Variants in GALNS observed in about 807,000 individuals in gnomAD.
GALNS encodes N-acetylgalactosamine-6-sulfatase.
Under a neutral mutation model 65.9 loss-of-function variants are expected in GALNS, and 65 were observed. That is an observed-to-expected ratio of 0.99 (90% CI 0.81 to 1.21). GALNS has a LOEUF of 1.21. GALNS is among the 50% of genes most tolerant of loss of function. The probability of loss-of-function intolerance (pLI) is 0.00; values close to 1 mark genes in which losing one functional copy is unlikely to be tolerated. For synonymous variants in GALNS, 346 were observed against 288.9 expected, an observed-to-expected ratio of 1.20 and a Z score of -2.00; for missense variants, 776 against 700.7, an observed-to-expected ratio of 1.11 and a Z score of -1.21.
chr16:88,829,784 G>C (rs141583310), intron 9 of GALNS, among the ~76,000 whole-genome samples: 5,544 of 152,282 alleles, frequency 0.036, 161 homozygotes, highest in Non-Finnish European at 0.046. Flanking sequence ...GGATCTGGCA[G>C]AACAGCAGCC....
At chr16:88,825,819 G>C (rs1468557720) in intron 10 of GALNS, among the ~76,000 whole-genome samples, 1 of 152,122 alleles carries the variant, frequency 6.6e-6, no homozygotes, top group African/African-American at 2.4e-5. Flanking sequence ...CTTGTGCCAG[G>C]TCTCGAGAGG....
intron 1 of GALNS, among the ~76,000 whole-genome samples, chr16:88,851,624 ACTGCAC>A (rs1160176811): frequency 6.6e-6 from 1 of 152,196 alleles, no homozygotes; most frequent in Non-Finnish European, 1.5e-5. Flanking sequence ...GCCGTGACAG[ACTGCAC>A]CTGGAAAATC....
At chr16:88,845,346 G>A (rs548477913) in intron 1 of GALNS, 1 of 151,590 alleles carries the variant, frequency 6.6e-6, no homozygotes, top group East Asian at 2.0e-4. Context: ...GGGAGACTCC[G>A]TCCCAAAACC....
At chr16:88,856,523 C>T (rs983197990) in intron 1 of GALNS, 9 of 697,498 alleles carry the variant, frequency 1.3e-5, no homozygotes, top group Non-Finnish European at 2.3e-5. Context: ...CCGCCGAGAC[C>T]CCACGCCTGG....
Position 88,843,354 on chromosome 16 carries a change from C to T in GALNS, c.121-525G>A, listed in dbSNP as rs1413576944. 3.7e-5 allele frequency: 20 copies of T among 545,330 alleles called. No homozygotes were observed. The Admixed American group carries it at 6.0e-4, about 16-fold the overall frequency. 33.8% of individuals were successfully genotyped at this position (545,330 alleles called of 1,614,324 possible). A position where few individuals can be genotyped will look rare whatever the true frequency, so the allele number is the denominator to read the frequency against. On this transcript the variant is annotated intron_variant, in intron 1 of 13. Transcript: ENST00000268695. ...TAGCTGTACACCCAAGAGACTGAAA[C>T]TTACGTCCACACGCAGGCCTGCATA...
chr16:88,815,281 G>A, intron 13 of GALNS: 1 of 985,494 alleles, frequency 1.0e-6, no homozygotes, highest in Non-Finnish European at 1.2e-6. Flanking sequence ...GGGCCTCCGA[G>A]GGCCAGCAGT....
At position 88,835,340 on chromosome 16, in the gene GALNS, G is replaced by C; in HGVS notation, c.771C>G (p.Ala257=). 6.2e-7 allele frequency: 1 copy of C among 1,613,672 alleles called. No individual in the cohort carries two copies. The highest frequency in any genetic ancestry group is 8.5e-7 in the Non-Finnish European group (1 of 1,179,864). ...CAATGCTGTCATCAATCTCCCGGAC[G>C]GCGTCTCCATACCTGCAGGATGGTG... The part of the protein sequence containing the change: ...GTSQRGRYGD[A]VREIDDSIGK... Residue 257 remains alanine (A), a synonymous_variant, in exon 8 of 14, where the codon GCC becomes GCG. Transcript: ENST00000268695.
chr16:88,836,098 T>C, intron 6 of GALNS, 103 bp downstream of exon 6: 2 of 1,161,532 alleles, frequency 1.7e-6, no homozygotes, highest in East Asian at 2.6e-5. Flanking sequence ...TCCCACGGGG[T>C]GAGGTTGATG....
intron 1 of GALNS, among the ~76,000 whole-genome samples, chr16:88,846,580 G>A (rs1161045749): frequency 2.2e-5 from 3 of 137,052 alleles, no homozygotes; most frequent in Non-Finnish European, 4.5e-5. Context: ...GCACAATCTC[G>A]ACTCACTGCA....
At chr16:88,816,562 G>T (rs1456014775) in intron 13 of GALNS, 1 of 975,262 alleles carries the variant, frequency 1.0e-6, no homozygotes, top group Non-Finnish European at 1.2e-6. Context: ...GCCCTGCCCA[G>T]TCCTAAATAA....
intron 4 of GALNS, chr16:88,840,611 G>A (rs1966919730): frequency 2.7e-6 from 1 of 364,154 alleles, no homozygotes; most frequent in Non-Finnish European, 5.3e-6. Flanking sequence ...GGCCCCTAGG[G>A]TGGACAGGCA....
At chr16:88,846,258 A>T in intron 1 of GALNS, among the ~76,000 whole-genome samples, 1 of 152,216 alleles carries the variant, frequency 6.6e-6, no homozygotes, top group East Asian at 1.9e-4. Context: ...TGATTCAGTA[A>T]GATGAGGTCA....
intron 12 of GALNS, among the ~76,000 whole-genome samples, chr16:88,822,126 C>T (rs1910291069): frequency 6.6e-6 from 1 of 152,142 alleles, no homozygotes; most frequent in Non-Finnish European, 1.5e-5. Context: ...AAGGGGAGGG[C>T]TTCCCTGAAA....
intron 4 of GALNS, chr16:88,837,969 G>T: frequency 1.7e-6 from 1 of 589,298 alleles, no homozygotes; most frequent in Non-Finnish European, 3.0e-6. Context: ...CTACCCTGCA[G>T]AGCGTCTGGG....
intron 3 of GALNS, among the ~76,000 whole-genome samples, chr16:88,841,547 T>C (rs1567536805): frequency 6.6e-6 from 1 of 151,538 alleles, no homozygotes; most frequent in African/African-American, 2.4e-5. Context: ...TCCAAACCCC[T>C]CAAGCACAGC....
chr16:88,817,047 C>T (rs1909703789), intron 13 of GALNS: 1 of 985,330 alleles, frequency 1.0e-6, no homozygotes, highest in African/African-American at 1.7e-5. Context: ...AGAGCGAGGG[C>T]CGCACGTGTC....
chr16:88,826,798 G>T lies in GALNS; in HGVS notation c.1043C>A (p.Thr348Asn), dbSNP rs368305568. 1 of 1,598,230 alleles carries T rather than the reference G, an allele frequency of 6.3e-7. No individual in the cohort carries two copies. Among genetic ancestry groups the T allele is most frequent in the Non-Finnish European group, 8.5e-7 (1 of 1,173,080 alleles). Reference sequence around the variant, plus strand: ...CGTCAGGCCCGCAAGGGCCAGGCTGGTGGTGAAGAGGTCCATGATGCTGCC... The same window carrying T: ...CGTCAGGCCCGCAAGGGCCAGGCTGTTGGTGAAGAGGTCCATGATGCTGCC... ...QLGSIMDLFT[T>N]SLALAGLTPP... The change falls in exon 10 of 14, where the codon ACC (threonine) becomes AAC (asparagine). Residue 348 changes from threonine (T) to asparagine (N), a missense_variant. Coordinates refer to ENST00000268695, the MANE Select transcript of GALNS (RefSeq NM_000512.5).
chr16:88,823,147 G>C (rs1412101834), intron 11 of GALNS, among the ~76,000 whole-genome samples: 1 of 152,146 alleles, frequency 6.6e-6, no homozygotes, highest in Non-Finnish European at 1.5e-5. Context: ...CTCTGCTGGG[G>C]AAGGGAGGGG....
Position 88,817,871 on chromosome 16 carries a change from C to T in GALNS, c.1482+136G>A, listed in dbSNP as rs1305091069. The T allele has an allele frequency of 4.6e-5, 37 of 804,114 alleles. No homozygotes were observed. The Admixed American group carries it at 6.8e-4, about 15-fold the overall frequency. The allele number at this position is 804,114 out of a possible 1,614,324, so 49.8% of individuals were successfully genotyped here. A position where few individuals can be genotyped will look rare whatever the true frequency, so the allele number is the denominator to read the frequency against. ...GGACGCCGCCGCGTGTGCTCTGAGGCACGAGGGCCTCACCACTGACGGAGG... is the reference window on the plus strand; with the variant it reads ...GGACGCCGCCGCGTGTGCTCTGAGGTACGAGGGCCTCACCACTGACGGAGG... On this transcript the variant is annotated intron_variant, in intron 13 of 13. Transcript: ENST00000268695.
Sources: allele counts gnomAD v4.1 joint callset (sites outside exome capture counted in the v4.1 genomes callset), GRCh38; gene constraint gnomAD v4.1.1; transcripts MANE v1.5; gene names NCBI Gene and HGNC (gene_info 2026-07-23, HGNC 2026-07-21).